The following PHTF2 variants were observed in gnomAD, a reference collection of about 807,000 sequenced individuals.
The protein encoded by PHTF2 is putative homeodomain transcription factor 2.
In PHTF2, 60 loss-of-function variants were observed where a neutral mutation model predicts 101.2. That is an observed-to-expected ratio of 0.59 (90% CI 0.48 to 0.73). The LOEUF (loss-of-function observed/expected upper bound fraction) is 0.73. Among genes scored for constraint, PHTF2 ranks in the 30% least tolerant of loss-of-function variants. The pLI, the probability that PHTF2 is intolerant of heterozygous loss-of-function variation, is 0.00. For synonymous variants in PHTF2, 311 were observed against 307.3 expected (o/e 1.01, Z -0.13); for missense variants, 747 against 908.7 (o/e 0.82, Z 2.29).
At chr7:77,896,785 T>A (rs192277036) in intron 5 of PHTF2, among the ~76,000 whole-genome samples, 67 of 152,360 alleles carry the variant, frequency 4.4e-4, no homozygotes, top group Middle Eastern at 6.8e-3. Flanking sequence ...AAAAACACTC[T>A]ACCTGTTGTT....
intron 1 of PHTF2, among the ~76,000 whole-genome samples, chr7:77,815,180 G>A (rs1294063543): frequency 1.3e-5 from 2 of 152,142 alleles, no homozygotes; most frequent in Non-Finnish European, 2.9e-5. Flanking sequence ...TATAATAGCT[G>A]TCTTATTTAA....
At chr7:77,811,225 A>T (rs957515878) in intron 1 of PHTF2, among the ~76,000 whole-genome samples, 1 of 152,236 alleles carries the variant, frequency 6.6e-6, no homozygotes, top group Non-Finnish European at 1.5e-5. Context: ...TTTAGGCAGG[A>T]ATACCACAGA....
intron 9 of PHTF2, among the ~76,000 whole-genome samples, chr7:77,910,849 G>C (rs1802324422): frequency 6.6e-6 from 1 of 152,046 alleles, no homozygotes; most frequent in Admixed American, 6.6e-5. Context: ...TACCATATTG[G>C]CCAGACCTCG....
chr7:77,921,821 A>G (rs1803491571), intron 10 of PHTF2, among the ~76,000 whole-genome samples: 2 of 152,166 alleles, frequency 1.3e-5, no homozygotes, highest in South Asian at 4.1e-4. Context: ...GATATCTTTT[A>G]CAAATTGATG....
At chr7:77,809,280 AC>A (rs577109570) in intron 1 of PHTF2, among the ~76,000 whole-genome samples, 68 of 135,226 alleles carry the variant, frequency 5.0e-4, no homozygotes, top group Non-Finnish European at 8.7e-4. Flanking sequence ...AGGCTGGAGT[AC>A]AGTGGAGCGA....
chr7:77,895,097 A>C, intron 5 of PHTF2: 1 of 450,314 alleles, frequency 2.2e-6, no homozygotes, highest in South Asian at 1.6e-5. Context: ...GAAATACTGG[A>C]AGAAGAGCAC....
intron 12 of PHTF2, among the ~76,000 whole-genome samples, chr7:77,934,618 A>G (rs761975137): frequency 1.8e-4 from 27 of 152,212 alleles, no homozygotes; most frequent in African/African-American, 2.4e-5. Flanking sequence ...CTGTCTTCAA[A>G]GGTAAAAAAA....
intron 2 of PHTF2, among the ~76,000 whole-genome samples, chr7:77,854,353 T>C (rs1452999362): frequency 6.6e-6 from 1 of 152,248 alleles, no homozygotes; most frequent in East Asian, 1.9e-4. Flanking sequence ...GGGTGATGCA[T>C]GCACCCCTTT....
intron 10 of PHTF2, among the ~76,000 whole-genome samples, 163 bp from the exon 10 acceptor site, chr7:77,922,460 T>C (rs1803564915): frequency 6.6e-6 from 1 of 152,148 alleles, no homozygotes; most frequent in Admixed American, 6.5e-5. Flanking sequence ...ATTTAAGATA[T>C]TTTTTCAGAA....
chr7:77,881,966 C>T (rs866942222), intron 3 of PHTF2, among the ~76,000 whole-genome samples: 1 of 152,154 alleles, frequency 6.6e-6, no homozygotes. Flanking sequence ...CACTTCTCTT[C>T]ATTGAAATAA....
intron 12 of PHTF2, among the ~76,000 whole-genome samples, chr7:77,932,587 AGAGAGAGAGAGAGAAAGAG>A (rs1350016489): frequency 7.7e-6 from 1 of 129,756 alleles, no homozygotes; most frequent in Non-Finnish European, 1.6e-5. Context: ...AGAAAGAGGA[AGAGAGAGAGAGAGAAAGAG>A]AGAGAGAGAG....
intron 9 of PHTF2, among the ~76,000 whole-genome samples, chr7:77,913,463 TTAATG>T (rs1455752975): frequency 6.6e-6 from 1 of 152,124 alleles, no homozygotes; most frequent in African/African-American, 2.4e-5. Context: ...TAATTTTTAA[TTAATG>T]TAATTATAGT....
intron 9 of PHTF2, among the ~76,000 whole-genome samples, chr7:77,911,792 GT>G (rs1802422855): frequency 6.6e-6 from 1 of 152,092 alleles, no homozygotes; most frequent in Non-Finnish European, 1.5e-5. Context: ...GGGACAATAT[GT>G]TTTGTTTTCG....
chr7:77,908,801 A>G (rs1319368459), exon 8 of PHTF2: 9 of 1,578,680 alleles, frequency 5.7e-6, no homozygotes, highest in Non-Finnish European at 6.9e-6. Flanking sequence ...AGTTGCTGCA[A>G]TAGTATTATT....
At chr7:77,956,975 A>C (rs1308923412) in exon 20 of PHTF2, 1 of 152,230 alleles carries the variant, frequency 6.6e-6, no homozygotes, top group East Asian at 1.9e-4. Context: ...GAATACTAAA[A>C]GGAAAATGTC....
At chr7:77,832,990 G>A (rs1014457185) in intron 1 of PHTF2, among the ~76,000 whole-genome samples, 1 of 151,778 alleles carries the variant, frequency 6.6e-6, no homozygotes, top group African/African-American at 2.4e-5. Flanking sequence ...TAATAAAATA[G>A]GACAATCGTA....
At chr7:77,884,503 C>T (rs998755992) in intron 3 of PHTF2, among the ~76,000 whole-genome samples, 3 of 152,128 alleles carry the variant, frequency 2.0e-5, no homozygotes, top group Non-Finnish European at 4.4e-5. Flanking sequence ...TTTTCCATTC[C>T]TGAGTTGACA....
chr7:77,844,209 G>T (rs1040526349), intron 2 of PHTF2, among the ~76,000 whole-genome samples: 1 of 152,090 alleles, frequency 6.6e-6, no homozygotes, highest in African/African-American at 2.4e-5. Context: ...TCCCAGGCTG[G>T]TCTCAAACTT....
chr7:77,812,890 A>G (rs1793559706), intron 1 of PHTF2, among the ~76,000 whole-genome samples: 3 of 152,162 alleles, frequency 2.0e-5, no homozygotes, highest in African/African-American at 4.8e-5. Context: ...CACCCAGCCA[A>G]TAATGTGTAC....
Sources: gnomAD v4.1 joint callset for allele counts (sites outside exome capture counted in the v4.1 genomes callset) on GRCh38, gnomAD v4.1.1 for gene constraint, MANE v1.5 for transcripts, NCBI Gene and HGNC (gene_info 2026-07-23, HGNC 2026-07-21) for gene names.